TRDN: variants seen among roughly 807,000 people sequenced by gnomAD.
The protein encoded by TRDN is triadin in skeletal muscle.
In TRDN, 161 loss-of-function variants were observed where a neutral mutation model predicts 149.7. That is an observed-to-expected ratio of 1.08 (90% CI 0.95 to 1.23). TRDN has a LOEUF of 1.23. Among genes scored for constraint, TRDN ranks in the 50% most tolerant of loss-of-function variants. The probability of loss-of-function intolerance (pLI) is 0.00; values close to 1 mark genes in which losing one functional copy is unlikely to be tolerated. For synonymous variants in TRDN, 294 were observed against 250.5 expected (o/e 1.17, Z -1.64); for missense variants, 896 against 823.5 (o/e 1.09, Z -1.08).
chr6:123,517,588 C>CA (rs1779473215), intron 5 of TRDN, among the ~76,000 whole-genome samples: 1 of 151,976 alleles, frequency 6.6e-6, no homozygotes, highest in African/African-American at 2.4e-5. Context: ...TTTACCAACC[C>CA]AATGTCATCT....
intron 24 of TRDN, among the ~76,000 whole-genome samples, chr6:123,285,130 A>T (rs1480113191): frequency 1.3e-5 from 2 of 152,094 alleles, no homozygotes; most frequent in Non-Finnish European, 2.9e-5. Flanking sequence ...AGCAATCTAC[A>T]AATTCAGTTC....
intron 12 of TRDN, among the ~76,000 whole-genome samples, chr6:123,431,917 CTT>C (rs1245175204): frequency 6.6e-5 from 10 of 152,248 alleles, no homozygotes; most frequent in Non-Finnish European, 1.5e-4. Flanking sequence ...GTAAAGGACT[CTT>C]TGCAATTTCT....
At position 123,377,951 on chromosome 6, in the gene TRDN, T is replaced by A. The variant is rs1426254184; in HGVS notation, c.1187-53A>T. On this transcript the variant is annotated intron_variant, in intron 16 of 40. Coordinates refer to ENST00000334268, the MANE Select transcript of TRDN (RefSeq NM_006073.4). The stretch of plus-strand genomic sequence containing the variant: ...ATTATCGTTATTATTCTAAAGTTTA[T>A]GAATCCCAACTTAATTGTTTTAACA... 4.7e-6 allele frequency: 6 copies of A among 1,279,614 alleles called. No homozygotes were observed. The East Asian group carries it at 1.5e-4, about 32-fold the overall frequency. The allele number at this position is 1,279,614 out of a possible 1,614,324, so 79.3% of individuals were successfully genotyped here. A position where few individuals can be genotyped will look rare whatever the true frequency, so the allele number is the denominator to read the frequency against.
intron 10 of TRDN, among the ~76,000 whole-genome samples, chr6:123,455,175 G>A (rs74755137): frequency 0.033 from 5,011 of 151,950 alleles, 238 homozygotes; most frequent in African/African-American, 0.1. Flanking sequence ...CAAAAGGAAA[G>A]GTAACGAGAA....
At chr6:123,519,607 A>G (rs1340134040) in intron 5 of TRDN, among the ~76,000 whole-genome samples, 1 of 151,738 alleles carries the variant, frequency 6.6e-6, no homozygotes, top group Non-Finnish European at 1.5e-5. Flanking sequence ...AAAATTTGTA[A>G]AGTACTGATT....
At chr6:123,296,805 C>T (rs560645607) in intron 24 of TRDN, among the ~76,000 whole-genome samples, 4 of 152,034 alleles carry the variant, frequency 2.6e-5, no homozygotes, top group East Asian at 1.9e-4. Context: ...ATTATTTACA[C>T]AATGCTGAAC....
intron 5 of TRDN, among the ~76,000 whole-genome samples, chr6:123,520,024 A>G (rs2114277140): frequency 6.6e-6 from 1 of 152,244 alleles, no homozygotes; most frequent in Admixed American, 6.5e-5. Flanking sequence ...CCCTTAAAAA[A>G]ATTCTGTTTC....
chr6:123,405,354 G>A (rs1773152250), intron 12 of TRDN, among the ~76,000 whole-genome samples: 1 of 152,206 alleles, frequency 6.6e-6, no homozygotes, highest in Admixed American at 6.5e-5. Context: ...TACTTTTACA[G>A]CTACTAGGCT....
chr6:123,416,371 C>G (rs1346611848), intron 12 of TRDN, among the ~76,000 whole-genome samples: 1 of 152,122 alleles, frequency 6.6e-6, no homozygotes, highest in Non-Finnish European at 1.5e-5. Flanking sequence ...TTTCCTGTTC[C>G]CTGATCATTG....
chr6:123,265,236 A>T (rs1163232031), intron 33 of TRDN, 82 bp downstream of exon 33: 5 of 1,064,102 alleles, frequency 4.7e-6, no homozygotes, highest in Non-Finnish European at 6.6e-6. Flanking sequence ...CATACTATTT[A>T]ACTTCAGTTA....
intron 5 of TRDN, among the ~76,000 whole-genome samples, chr6:123,520,324 C>G (rs185658355): frequency 1.3e-5 from 2 of 152,000 alleles, no homozygotes; most frequent in Admixed American, 6.6e-5. Context: ...AAGTAACTAC[C>G]CTGAACTTCT....
At chr6:123,347,448 C>T (rs1268540701) in intron 21 of TRDN, among the ~76,000 whole-genome samples, 1 of 152,016 alleles carries the variant, frequency 6.6e-6, no homozygotes, top group Non-Finnish European at 1.5e-5. Context: ...CTCATGCTTA[C>T]AACCTTACTT....
chr6:123,586,415 G>A (rs997728276), intron 1 of TRDN, among the ~76,000 whole-genome samples: 2 of 152,100 alleles, frequency 1.3e-5, no homozygotes, highest in Admixed American at 6.5e-5. Flanking sequence ...GGTTGGGACT[G>A]AGGGGACAGG....
At chr6:123,423,173 C>G (rs1773982373) in intron 12 of TRDN, among the ~76,000 whole-genome samples, 1 of 151,988 alleles carries the variant, frequency 6.6e-6, no homozygotes, top group Non-Finnish European at 1.5e-5. Flanking sequence ...TTTTAAAAAA[C>G]AGAAGTTAAA....
At chr6:123,225,185 T>C (rs527720843) in intron 38 of TRDN, among the ~76,000 whole-genome samples, 7 of 151,814 alleles carry the variant, frequency 4.6e-5, no homozygotes, top group Non-Finnish European at 7.4e-5. Flanking sequence ...CAATGAGATA[T>C]TACCTCACAT....
intron 12 of TRDN, among the ~76,000 whole-genome samples, chr6:123,405,692 C>A (rs772096194): frequency 2.0e-5 from 3 of 152,092 alleles, no homozygotes; most frequent in Admixed American, 6.5e-5. Flanking sequence ...ATCTTTCAAC[C>A]AGGCTCACAT....
At chr6:123,531,736 G>A (rs185364723) in intron 4 of TRDN, among the ~76,000 whole-genome samples, 75 of 152,102 alleles carry the variant, frequency 4.9e-4, no homozygotes, top group Admixed American at 4.8e-3. Flanking sequence ...AATGACATAG[G>A]AAATGCCCAT....
At chr6:123,359,210 C>T (rs1003201852) in intron 20 of TRDN, among the ~76,000 whole-genome samples, 4 of 152,166 alleles carry the variant, frequency 2.6e-5, no homozygotes, top group African/African-American at 9.7e-5. Flanking sequence ...GTTCACAAGG[C>T]TATCACTTCC....
chr6:123,387,880 G>A lies in TRDN; in HGVS notation c.1135+642C>T, dbSNP rs541758545. Among the ~76,000 whole-genome samples, 5 of 152,138 alleles carry A rather than the reference G, an allele frequency of 3.3e-5. No individual in the cohort carries two copies. In the East Asian group the frequency reaches 9.7e-4, roughly 29 times the overall value. The stretch of plus-strand genomic sequence containing the variant: ...GTCAGGGGAAAAAGAAAAAAATGGG[G>A]TTGAAGCTGATACCAATATTTCAGT... On this transcript the variant is annotated intron_variant, in intron 14 of 40. Coordinates refer to ENST00000334268, the MANE Select transcript of TRDN (RefSeq NM_006073.4).
Sources: allele counts gnomAD v4.1 joint callset (sites outside exome capture counted in the v4.1 genomes callset), GRCh38; gene constraint gnomAD v4.1.1; transcripts MANE v1.5; gene names NCBI Gene and HGNC (gene_info 2026-07-23, HGNC 2026-07-21).